Variants in TPO observed in about 807,000 individuals in gnomAD.
TPO encodes the protein thyroid microsomal antigen.
TPO carries 78 observed loss-of-function variants against 96.9 expected under a neutral mutation model. The observed-to-expected ratio is 0.81, with a 90% CI of 0.67 to 0.97. The LOEUF is 0.97. Among genes scored for constraint, TPO ranks in the 50% least tolerant of loss-of-function variants. TPO has a pLI of 0.00. For synonymous variants in TPO, 547 were observed against 538.0 expected (o/e 1.02, Z -0.23); for missense variants, 1,252 against 1,274.8 (o/e 0.98, Z 0.27).
chr2:1,509,691 T>G (rs923767120), intron 14 of TPO, among the ~76,000 whole-genome samples: 2 of 103,286 alleles, frequency 1.9e-5, no homozygotes, highest in African/African-American at 8.0e-5. Context: ...CACTCTCTGG[T>G]TTCAGGCACA....
At chr2:1,420,942 T>C (rs908516431) in intron 2 of TPO, among the ~76,000 whole-genome samples, 2 of 152,068 alleles carry the variant, frequency 1.3e-5, no homozygotes, top group Admixed American at 6.6e-5. Context: ...GTAGGGTGGT[T>C]ATTTCAGGCT....
chr2:1,394,510 C>T (rs1405966521), intron 1 of TPO, among the ~76,000 whole-genome samples: 1 of 152,200 alleles, frequency 6.6e-6, no homozygotes, highest in Non-Finnish European at 1.5e-5. Flanking sequence ...TCCAGACCCG[C>T]CGAACAGACG....
intron 7 of TPO, among the ~76,000 whole-genome samples, chr2:1,458,420 C>A (rs1001632018): frequency 5.3e-5 from 8 of 150,684 alleles, no homozygotes; most frequent in Non-Finnish European, 2.9e-5. Context: ...GTGTATATGG[C>A]ATATAAGATA....
At chr2:1,435,587 T>A (rs1013866076) in intron 4 of TPO, among the ~76,000 whole-genome samples, 9 of 152,190 alleles carry the variant, frequency 5.9e-5, no homozygotes, top group African/African-American at 2.2e-4. Flanking sequence ...AAGTAATCGA[T>A]GATTACCTCT....
At chr2:1,532,836 T>C (rs1341095170) in intron 15 of TPO, among the ~76,000 whole-genome samples, 17 of 27,272 alleles carry the variant, frequency 6.2e-4, no homozygotes, top group East Asian at 1.4e-3. Flanking sequence ...CTCTGCACAA[T>C]CTCCCCAAAT....
At chr2:1,403,946 C>T (rs557806227) in intron 1 of TPO, among the ~76,000 whole-genome samples, 123 of 152,302 alleles carry the variant, frequency 8.1e-4, no homozygotes, top group Middle Eastern at 3.4e-3. Context: ...GGGATGGGGG[C>T]CTGTCTGTTA....
At chr2:1,464,933 A>C (rs1348986848) in intron 7 of TPO, among the ~76,000 whole-genome samples, 1 of 151,986 alleles carries the variant, frequency 6.6e-6, no homozygotes, top group Admixed American at 6.6e-5. Context: ...CTTTCTTTTT[A>C]TTGAATTTGC....
rs762304545 is a variant in TPO, at chr2:1,540,607, A to G, written c.2632A>G (p.Thr878Ala). The G allele has an allele frequency of 1.2e-6, 2 of 1,613,536 alleles. No individual in the cohort carries two copies. Among genetic ancestry groups the G allele is most frequent in the South Asian group, 2.2e-5 (2 of 91,076 alleles). Residue 878 changes from threonine to alanine, a missense_variant, in exon 16 of 17, where the codon ACT becomes GCT. Thr to Ala is a moderately conservative substitution (Grantham distance 58). Coordinates refer to ENST00000329066, the MANE Select transcript of TPO (RefSeq NM_001206744.2). Reference protein sequence around the residue: ...TVICRWTRTGTKSTLPISETG... With the variant: ...TVICRWTRTGAKSTLPISETG... The stretch of plus-strand genomic sequence containing the variant: ...TGTCTCCCACAGGACACGCACTGGC[A>G]CTAAATCCACACTGCCCATCTCGGA...
intron 1 of TPO, among the ~76,000 whole-genome samples, chr2:1,389,157 G>A (rs56003829): frequency 0.26 from 40,243 of 151,986 alleles, 6,738 homozygotes; most frequent in Admixed American, 0.38. Context: ...GGCTCAGGTC[G>A]GGTCTTCCTA....
intron 1 of TPO, among the ~76,000 whole-genome samples, chr2:1,393,834 C>T (rs906793605): frequency 1.2e-4 from 19 of 152,212 alleles, no homozygotes; most frequent in Non-Finnish European, 2.2e-4. Flanking sequence ...ATCATGGTGA[C>T]ATTTCTAAAT....
intron 3 of TPO, among the ~76,000 whole-genome samples, chr2:1,431,717 C>T (rs1321915114): frequency 6.6e-6 from 1 of 152,200 alleles, no homozygotes; most frequent in Non-Finnish European, 1.5e-5. Flanking sequence ...GTGCTTAGCA[C>T]AGCACCTAAA....
chr2:1,518,272 A>G (rs1054035398), intron 15 of TPO, among the ~76,000 whole-genome samples: 10 of 152,214 alleles, frequency 6.6e-5, no homozygotes, highest in African/African-American at 2.4e-4. Flanking sequence ...TGCCCCTTGA[A>G]CAGGAAATCT....
intron 1 of TPO, among the ~76,000 whole-genome samples, chr2:1,404,017 A>G (rs1364340918): frequency 2.6e-5 from 4 of 152,206 alleles, no homozygotes; most frequent in African/African-American, 9.7e-5. Flanking sequence ...GGATATATGC[A>G]ATCTTGCGTG....
At chr2:1,522,609 C>T (rs1370387940) in intron 15 of TPO, among the ~76,000 whole-genome samples, 1 of 152,108 alleles carries the variant, frequency 6.6e-6, no homozygotes, top group Non-Finnish European at 1.5e-5. Flanking sequence ...GGCTTTTATT[C>T]AAGCCTCAAT....
chr2:1,494,379 T>C (rs12478431), intron 11 of TPO, among the ~76,000 whole-genome samples: 72,100 of 152,170 alleles, frequency 0.47, 17,231 homozygotes, highest in South Asian at 0.6. Context: ...CCCATGACAA[T>C]GCCCGGGAAA....
chr2:1,458,558 G>A (rs1350024900), intron 7 of TPO, among the ~76,000 whole-genome samples: 1 of 151,590 alleles, frequency 6.6e-6, no homozygotes, highest in Non-Finnish European at 1.5e-5. Flanking sequence ...GTGTGTATAT[G>A]GCATATAAGA....
intron 8 of TPO, among the ~76,000 whole-genome samples, chr2:1,481,579 G>T (rs1670645296): frequency 6.6e-6 from 1 of 152,170 alleles, no homozygotes; most frequent in African/African-American, 2.4e-5. Flanking sequence ...ATCCCGGGCA[G>T]GCAGATCCAT....
Position 1,472,827 on chromosome 2 carries a change from CAAAAAAAA to C in TPO, c.820-4242_820-4235del, listed in dbSNP as rs34064729. 2.9e-4 allele frequency among the ~76,000 whole-genome samples: 14 copies of C among 48,334 alleles called. No individual in the cohort carries two copies. In the East Asian group the frequency reaches 7.5e-3, roughly 26 times the overall value. The allele number at this position is 48,334 out of a possible 152,430, so 31.7% of individuals were successfully genotyped here. On this transcript the variant is annotated intron_variant, in intron 7 of 16. Transcript: ENST00000329066. The stretch of plus-strand genomic sequence containing the variant: ...TCATTTTTTTCTGCTTGTTTGGCGG[CAAAAAAAA>C]AAAAAAAAAAAAAAAAGGAGAGAGA...
rs139825265 is a variant in TPO at position 1,454,081 on chromosome 2, T to C, written c.612+258T>C. 5.0e-3 allele frequency among the ~76,000 whole-genome samples: 756 copies of C among 152,324 alleles called. 11 individuals carry two copies. The highest frequency in any genetic ancestry group is 0.018 in the African/African-American group (730 of 41,574). Reference sequence around the variant, plus strand: ...GTTTTCTCAACCCTAACGTTTCTGTTCCTGAAAATCACTTCAGTGTTTTCA... The same window carrying C: ...GTTTTCTCAACCCTAACGTTTCTGTCCCTGAAAATCACTTCAGTGTTTTCA... On this transcript the variant is annotated intron_variant, in intron 6 of 16. Transcript: ENST00000329066.
Sources: gnomAD v4.1 joint callset for allele counts (sites outside exome capture counted in the v4.1 genomes callset) on GRCh38, gnomAD v4.1.1 for gene constraint, MANE v1.5 for transcripts, NCBI Gene and HGNC (gene_info 2026-07-23, HGNC 2026-07-21) for gene names.